Variants in COL13A1 observed in about 807,000 individuals in gnomAD.
COL13A1 encodes collagen alpha-1(XIII) chain.
Under a neutral mutation model 130.9 loss-of-function variants are expected in COL13A1, and 89 were observed. The observed-to-expected ratio is 0.68, with a 90% confidence interval of 0.57 to 0.81. The LOEUF (loss-of-function observed/expected upper bound fraction) is 0.81, where lower values mean the gene tolerates loss of function less well. Ranked by LOEUF, COL13A1 falls within the 30% of genes least tolerant of loss-of-function variation. COL13A1 has a pLI of 0.00. For missense variants in COL13A1, 879 were observed against 934.6 expected, an observed-to-expected ratio of 0.94 and a Z score of 0.78; for synonymous variants, 402 against 341.6, an observed-to-expected ratio of 1.18 and a Z score of -1.95.
At chr10:69,878,513 G>A (rs1216986126) in intron 6 of COL13A1, among the ~76,000 whole-genome samples, 6 of 151,320 alleles carry the variant, frequency 4.0e-5, no homozygotes, top group South Asian at 2.1e-4. Context: ...ATTGAGTCTC[G>A]CTCTGTCACC....
intron 2 of COL13A1, among the ~76,000 whole-genome samples, chr10:69,830,710 C>T (rs1023734835): frequency 1.3e-5 from 2 of 152,108 alleles, no homozygotes; most frequent in African/African-American, 4.8e-5. Flanking sequence ...ACGCCAGGTT[C>T]AGTACATATT....
chr10:69,864,893 C>T (rs1859376201), intron 2 of COL13A1, among the ~76,000 whole-genome samples: 1 of 152,186 alleles, frequency 6.6e-6, no homozygotes, highest in Admixed American at 6.5e-5. Flanking sequence ...CTCCTGACAG[C>T]CCTGCTTGCG....
At chr10:69,875,558 C>T (rs1489367184) in intron 5 of COL13A1, among the ~76,000 whole-genome samples, 1 of 152,216 alleles carries the variant, frequency 6.6e-6, no homozygotes, top group Non-Finnish European at 1.5e-5. Flanking sequence ...AACCACCCCT[C>T]GGTGGAGCCA....
chr10:69,893,558 T>G (rs1022160668), intron 10 of COL13A1, among the ~76,000 whole-genome samples: 2 of 152,240 alleles, frequency 1.3e-5, no homozygotes, highest in Non-Finnish European at 2.9e-5. Flanking sequence ...GGACCCACCC[T>G]TGGGGATCTG....
In COL13A1 at chr10:69,930,597, AAGCATGACGCC is replaced by A. The variant is rs769373705; in HGVS notation, c.1683+49_1683+59del. On this transcript the variant is annotated intron_variant, in intron 30 of 40. Coordinates refer to ENST00000645393, the MANE Select transcript of COL13A1 (RefSeq NM_001368882.1). Reference sequence around the variant, plus strand: ...GCCCTTCCGTGCATACACCACTCCCAAGCATGACGCCAGCTTTGCAGGGCTTTGCACTTTGC... The same window carrying A: ...GCCCTTCCGTGCATACACCACTCCCAAGCTTTGCAGGGCTTTGCACTTTGC... The A allele has an allele frequency of 4.4e-6, 7 of 1,585,326 alleles. No homozygotes were observed. The Admixed American group carries it at 1.1e-4, about 25-fold the overall frequency.
At chr10:69,906,614 A>C (rs1042165147) in intron 17 of COL13A1, among the ~76,000 whole-genome samples, 2 of 152,150 alleles carry the variant, frequency 1.3e-5, no homozygotes, top group African/African-American at 4.8e-5. Flanking sequence ...TTATTGGTTG[A>C]AGCAAGTCAC....
At chr10:69,872,329 C>A in intron 4 of COL13A1, 119 bp downstream of exon 4, 1 of 1,116,222 alleles carries the variant, frequency 9.0e-7, no homozygotes. Flanking sequence ...ACAGGCCACT[C>A]TCCAGAGTCC....
intron 37 of COL13A1, among the ~76,000 whole-genome samples, chr10:69,946,488 C>G (rs1336249652): frequency 1.3e-5 from 2 of 152,194 alleles, no homozygotes; most frequent in Non-Finnish European, 2.9e-5. Context: ...AGAGCCCGCA[C>G]TTTAGTTTCC....
intron 15 of COL13A1, 35 bp downstream of exon 15, chr10:69,902,890 T>G: frequency 1.4e-6 from 2 of 1,447,198 alleles, no homozygotes; most frequent in Non-Finnish European, 1.8e-6. Context: ...TCAAGACTTA[T>G]CCCAAGAACT....
chr10:69,821,103 G>A (rs992546567), intron 1 of COL13A1, among the ~76,000 whole-genome samples: 8 of 152,254 alleles, frequency 5.3e-5, no homozygotes, highest in Non-Finnish European at 1.2e-4. Flanking sequence ...AGGGACTACA[G>A]TACATCAGGT....
chr10:69,851,518 T>A (rs1419905798), intron 2 of COL13A1, among the ~76,000 whole-genome samples: 3 of 152,224 alleles, frequency 2.0e-5, no homozygotes, highest in African/African-American at 7.2e-5. Context: ...GATGAAATAT[T>A]TTCTCCCTGC....
chr10:69,922,133 G>A (rs763886570), intron 22 of COL13A1, among the ~76,000 whole-genome samples, 198 bp downstream of exon 22: 7 of 152,060 alleles, frequency 4.6e-5, no homozygotes, highest in Non-Finnish European at 2.9e-5. Context: ...ATAAAATGCC[G>A]AAATGTAAAG....
intron 2 of COL13A1, among the ~76,000 whole-genome samples, chr10:69,823,715 G>A (rs139003113): frequency 3.8e-4 from 58 of 152,316 alleles, no homozygotes; most frequent in African/African-American, 1.3e-3. Flanking sequence ...CAAGGAGACC[G>A]TGAAAAGATT....
intron 2 of COL13A1, chr10:69,829,376 C>G: frequency 5.2e-6 from 3 of 579,972 alleles, no homozygotes; most frequent in Non-Finnish European, 4.4e-6. Context: ...ATCCCTAACA[C>G]AGCTTGTTAC....
At chr10:69,871,224 C>T (rs1269269016) in intron 3 of COL13A1, among the ~76,000 whole-genome samples, 1 of 152,138 alleles carries the variant, frequency 6.6e-6, no homozygotes, top group East Asian at 1.9e-4. Context: ...AGTGCCTGGG[C>T]TGTCCTTGTG....
intron 10 of COL13A1, among the ~76,000 whole-genome samples, chr10:69,891,613 T>C (rs1284619090): frequency 1.3e-5 from 2 of 151,752 alleles, no homozygotes; most frequent in Non-Finnish European, 2.9e-5. Context: ...ATGCATGGAG[T>C]AGTGGAGACC....
rs769510973 is a variant in COL13A1, at chr10:69,919,695, C to T, written c.1057C>T (p.Pro353Ser). 2.5e-6 allele frequency: 1 copy of T among 398,836 alleles called. No individual in the cohort carries two copies. The highest frequency in any genetic ancestry group is 4.4e-6 in the Non-Finnish European group (1 of 226,248). The allele number at this position is 398,836 out of a possible 1,614,324, so 24.7% of individuals were successfully genotyped here. Reference protein sequence around the residue: ...GDPGAEGKPGPPGLLGKRGQR... With the variant: ...GDPGAEGKPGSPGLLGKRGQR... ...CCCAGGAGCAGAAGGGAAGCCGGGG[C>T]CCCCAGGTTTGCTGGGAAAGAGGGG... The change falls in exon 21 of 41, where the codon CCC (proline) becomes TCC (serine). Residue 353 changes from proline to serine, a missense_variant. This residue lies in a region of COL13A1 where 715 missense variants were observed against 721.0 expected (regional missense o/e 0.99). Transcript: ENST00000645393.
intron 36 of COL13A1, 123 bp from the exon 37 acceptor site, chr10:69,945,548 G>T: frequency 7.4e-7 from 1 of 1,347,042 alleles, no homozygotes; most frequent in Non-Finnish European, 1.0e-6. Flanking sequence ...CATAGCCCTT[G>T]CTTCCCGGAG....
chr10:69,833,254 TGAA>T (rs776769541), intron 2 of COL13A1, among the ~76,000 whole-genome samples: 6 of 152,190 alleles, frequency 3.9e-5, no homozygotes, highest in Non-Finnish European at 5.9e-5. Context: ...AGGAGTTAAG[TGAA>T]GAAGGACTGC....
Sources: allele counts gnomAD v4.1 joint callset (sites outside exome capture counted in the v4.1 genomes callset), GRCh38; gene constraint gnomAD v4.1.1; regional missense constraint gnomAD v4.1.1; transcripts MANE v1.5; gene names NCBI Gene and HGNC (gene_info 2026-07-23, HGNC 2026-07-21).